The following DST variants were observed in gnomAD, a reference collection of about 807,000 sequenced individuals.
The protein encoded by DST is dystonin.
Under a neutral mutation model 875.2 loss-of-function variants are expected in DST, and 253 were observed. The ratio of observed to expected loss-of-function variants is 0.29; its 90% CI spans 0.26 to 0.32. DST has a LOEUF of 0.32. Among genes scored for constraint, DST ranks in the 10% least tolerant of loss-of-function variants. The probability of loss-of-function intolerance (pLI) is 1.00; values close to 1 mark genes in which losing one functional copy is unlikely to be tolerated. For synonymous variants in DST, 3,124 were observed against 3,197.1 expected, an observed-to-expected ratio of 0.98 and a Z score of 0.77; for missense variants, 8,287 against 9,111.6, an observed-to-expected ratio of 0.91 and a Z score of 3.68.
rs2099634855 is a variant in DST at position 56,766,923 on chromosome 6, T to G, written c.626-31634A>C. Among the ~76,000 whole-genome samples the G allele has an allele frequency of 2.0e-5, 3 of 152,218 alleles. No homozygotes were observed. The South Asian group carries it at 6.2e-4, about 31-fold the overall frequency. On this transcript the variant is annotated intron_variant, in intron 4 of 103. Coordinates refer to ENST00000680361, the MANE Select transcript of DST (RefSeq NM_001374736.1). ...GACAACCCATGCTTTAAAAATCTAA[T>G]GAGTCAGTGCTTTTTTTCTGTTTTG...
At chr6:56,736,601 C>T (rs972916615) in intron 4 of DST, among the ~76,000 whole-genome samples, 3 of 152,146 alleles carry the variant, frequency 2.0e-5, no homozygotes, top group African/African-American at 4.8e-5. Flanking sequence ...AGATATGTCT[C>T]GGTCTCTTTC....
intron 10 of DST, among the ~76,000 whole-genome samples, chr6:56,661,581 A>ACT (rs1236093103): frequency 6.9e-6 from 1 of 144,952 alleles, no homozygotes; most frequent in Non-Finnish European, 1.5e-5. Context: ...AGACAGCCCC[A>ACT]CTCTAACAGT....
At position 56,529,493 on chromosome 6, in the gene DST, C is replaced by T. The variant is rs2096859054; in HGVS notation, c.17550G>A (p.Gln5850=). ...VHDKLSKLSV[Q]DYSTEGLWKQ... is the part of the protein sequence containing the mutation. Reference sequence around the variant, plus strand: ...TCCATAGCCCCTCAGTGCTGTAATCCTGGACTGAGAGCTTGCTCAGTTTGT... The same window carrying T: ...TCCATAGCCCCTCAGTGCTGTAATCTTGGACTGAGAGCTTGCTCAGTTTGT... The change falls in exon 66 of 104, where the codon CAG becomes CAA. Residue 5850 remains glutamine (Q), a synonymous_variant. Coordinates refer to ENST00000680361, the MANE Select transcript of DST (RefSeq NM_001374736.1). 6.2e-7 allele frequency: 1 copy of T among 1,603,870 alleles called. No individual in the cohort carries two copies. Among genetic ancestry groups the T allele is most frequent in the Admixed American group, 1.7e-5 (1 of 59,548 alleles).
intron 82 of DST, among the ~76,000 whole-genome samples, chr6:56,495,857 C>T (rs1336135488): frequency 6.6e-6 from 1 of 152,116 alleles, no homozygotes; most frequent in Non-Finnish European, 1.5e-5. Context: ...AAATATGATG[C>T]TACCTACTGT....
At chr6:56,919,935 G>A (rs189213789) in intron 2 of DST, among the ~76,000 whole-genome samples, 71 of 152,164 alleles carry the variant, frequency 4.7e-4, no homozygotes, top group African/African-American at 1.4e-3. Flanking sequence ...CCTGGGTGAC[G>A]CAGTGAGACT....
At chr6:56,779,559 G>A (rs2099687529) in intron 4 of DST, among the ~76,000 whole-genome samples, 1 of 151,926 alleles carries the variant, frequency 6.6e-6, no homozygotes, top group South Asian at 2.1e-4. Flanking sequence ...ATTAATTTTT[G>A]TATAAGGTGT....
intron 49 of DST, among the ~76,000 whole-genome samples, chr6:56,585,203 G>C (rs1423131415): frequency 6.6e-6 from 1 of 152,162 alleles, no homozygotes; most frequent in East Asian, 1.9e-4. Context: ...GGTAGAATTT[G>C]GCTGTGAATC....
intron 22 of DST, among the ~76,000 whole-genome samples, chr6:56,637,289 C>T (rs1040186426): frequency 4.5e-4 from 68 of 152,150 alleles, no homozygotes; most frequent in African/African-American, 1.3e-3. Flanking sequence ...TCTCTGGCTA[C>T]GGGAAAAAAT....
chr6:56,615,144 T>C, intron 36 of DST: 2 of 1,080,328 alleles, frequency 1.9e-6, no homozygotes, highest in African/African-American at 1.7e-5. Context: ...ACGTGCTCTT[T>C]CAGCGAGTGC....
rs746966455 is a variant in DST, at chr6:56,489,567, A to T, written c.20800T>A (p.Ser6934Thr). 2 of 1,613,044 alleles carry T rather than the reference A, an allele frequency of 1.2e-6. No homozygotes were observed. Among genetic ancestry groups the T allele is most frequent in the South Asian group, 2.2e-5 (2 of 90,998 alleles). Residue 6934 changes from serine (S) to threonine (T), a missense_variant, in exon 86 of 104, where the codon TCA becomes ACA. By Grantham distance (58) the Ser-to-Thr change is moderately conservative. This residue lies in a region of DST where 1,292 missense variants were observed against 1,552.7 expected (regional missense o/e 0.83). Transcript: ENST00000680361. ...AGTTCAGAATCCAAAGACTTTTCTG[A>T]CTCTTCTAGCCACTCCATAAGTTTA... ...WSKLMEWLEE[S>T]EKSLDSELEI...
intron 4 of DST, among the ~76,000 whole-genome samples, chr6:56,828,900 T>TA (rs1388744363): frequency 6.6e-6 from 1 of 152,022 alleles, no homozygotes; most frequent in Non-Finnish European, 1.5e-5. Context: ...AAGGGTAGAA[T>TA]AAGAGAAGGG....
intron 100 of DST, 90 bp downstream of exon 100, chr6:56,464,595 T>G (rs141467044): frequency 2.0e-5 from 19 of 945,518 alleles, no homozygotes; most frequent in Non-Finnish European, 3.2e-5. Context: ...GGATGAAGCA[T>G]GTTATTTTAA....
chr6:56,692,610 T>C, intron 9 of DST: 1 of 1,289,804 alleles, frequency 7.8e-7, no homozygotes, highest in Non-Finnish European at 1.0e-6. Context: ...TGGCTGCCTT[T>C]CGGAAAGAAA....
intron 61 of DST, among the ~76,000 whole-genome samples, chr6:56,545,195 G>C (rs1182728370): frequency 6.6e-6 from 1 of 151,606 alleles, no homozygotes; most frequent in Non-Finnish European, 1.5e-5. Context: ...GTGGAGATGG[G>C]GTCTCACTCT....
intron 3 of DST, among the ~76,000 whole-genome samples, chr6:56,883,354 T>C (rs1204559419): frequency 6.6e-6 from 1 of 152,220 alleles, no homozygotes; most frequent in Non-Finnish European, 1.5e-5. Flanking sequence ...AATAAGCACA[T>C]TTTATACACC....
chr6:56,504,132 C>G, intron 77 of DST, 34 bp from the exon 78 acceptor site: 1 of 1,441,352 alleles, frequency 6.9e-7, no homozygotes, highest in Non-Finnish European at 9.7e-7. Flanking sequence ...GTTGTTACAA[C>G]AGTACATTTG....
Position 56,482,827 on chromosome 6 carries a change from C to T in DST, c.21258G>A (p.Lys7086=). 6.2e-7 allele frequency: 1 copy of T among 1,612,482 alleles called. No individual in the cohort carries two copies. ...CTTCTATGAGTTCTCGGGCTGAGCG[C>T]TTCAGGGCCTGCACACTGCTGGTCC... The part of the protein sequence containing the change: ...GKRTSSVQAL[K]RSARELIEGS... The change falls in exon 89 of 104, where the codon AAG becomes AAA. Residue 7086 remains lysine, a synonymous_variant. Transcript: ENST00000680361.
At position 56,529,957 on chromosome 6, in the gene DST, T is replaced by C. The variant is rs773966849; in HGVS notation, c.17268+17A>G. On this transcript the variant is annotated intron_variant, in intron 65 of 103. Transcript: ENST00000680361. ...CAATAAAAACTGAACCTCGCTAATG[T>C]GTGATTTATATCTTACTTTGTGCTG... is the stretch of plus-strand genomic sequence containing the variant. The C allele has an allele frequency of 6.2e-7, 1 of 1,612,126 alleles. No individual in the cohort carries two copies. The highest frequency in any genetic ancestry group is 1.7e-5 in the Admixed American group (1 of 59,672).
chr6:56,497,951 G>A lies in DST; in HGVS notation c.19999C>T (p.Leu6667Phe). The A allele has an allele frequency of 6.2e-7, 1 of 1,613,470 alleles. No homozygotes were observed. The highest frequency in any genetic ancestry group is 8.5e-7 in the Non-Finnish European group (1 of 1,179,614). ...TTTAAAACCTCTAGCTTGTTCTGAA[G>A]GTTGCTTGCTTCTTCTCCTGCACTT... ...ESSAGEEASN[L>F]QNKLEVLNQR... The change falls in exon 81 of 104, where the codon CTT becomes TTT. Residue 6667 changes from leucine (L) to phenylalanine (F), a missense_variant. Transcript: ENST00000680361.
Sources: gnomAD v4.1 joint callset for allele counts (sites outside exome capture counted in the v4.1 genomes callset) on GRCh38, gnomAD v4.1.1 for gene constraint, gnomAD v4.1.1 regional missense constraint, MANE v1.5 for transcripts, NCBI Gene and HGNC (gene_info 2026-07-23, HGNC 2026-07-21) for gene names.